IQSEC3: variants seen among roughly 807,000 people sequenced by gnomAD.
The protein encoded by IQSEC3 is IQ motif and SEC7 domain-containing protein 3.
Under a neutral mutation model 105.4 loss-of-function variants are expected in IQSEC3, and 50 were observed. That is an observed-to-expected ratio of 0.47 (90% CI 0.38 to 0.60). The LOEUF (loss-of-function observed/expected upper bound fraction) is 0.60, where lower values mean the gene tolerates loss of function less well. IQSEC3 is among the 20% of genes least tolerant of loss of function. IQSEC3 has a pLI of 0.00. For synonymous variants in IQSEC3, 708 were observed against 746.0 expected, an observed-to-expected ratio of 0.95 and a Z score of 0.83; for missense variants, 1,415 against 1,630.0, an observed-to-expected ratio of 0.87 and a Z score of 2.27.
chr12:140,784 G>A (rs1391564540), intron 4 of IQSEC3: 2 of 252,554 alleles, frequency 7.9e-6, no homozygotes, highest in South Asian at 1.5e-4. Flanking sequence ...CTCCAGGGTT[G>A]GGGCGTCTGC....
intron 5 of IQSEC3, chr12:144,520 C>A (rs537142020): frequency 6.6e-6 from 1 of 152,270 alleles, no homozygotes; most frequent in Non-Finnish European, 1.5e-5. Flanking sequence ...GAGGAAGAGC[C>A]GATGAGAAAG....
At chr12:163,999 C>G (rs769143611) in intron 9 of IQSEC3, among the ~76,000 whole-genome samples, 2 of 152,228 alleles carry the variant, frequency 1.3e-5, no homozygotes, top group African/African-American at 2.4e-5. Context: ...GGAGCATGCT[C>G]TGTCCCTGGG....
Position 165,736 on chromosome 12 carries a change from T to C in IQSEC3, c.2817T>C (p.Ser939=), listed in dbSNP as rs1867140936. 6.2e-7 allele frequency: 1 copy of C among 1,613,600 alleles called. No homozygotes were observed. Among genetic ancestry groups the C allele is most frequent in the African/African-American group, 1.3e-5 (1 of 74,934 alleles). Reference sequence around the variant, plus strand: ...CTGGGGTCTGCTTTCCAGATTACTCTCATGGCATCACACTGGTGACCCCGC... The same window carrying C: ...CTGGGGTCTGCTTTCCAGATTACTCCCATGGCATCACACTGGTGACCCCGC... ...QFQLFENEYY[S]HGITLVTPLS... The change falls in exon 11 of 14, where the codon TCT becomes TCC. Residue 939 remains serine (S), a synonymous_variant. Transcript: ENST00000538872.
Position 138,659 on chromosome 12 carries a change from C to T in IQSEC3, c.1296C>T (p.Gly432=). The T allele has an allele frequency of 6.4e-7, 1 of 1,566,794 alleles. No homozygotes were observed. Among genetic ancestry groups the T allele is most frequent in the Non-Finnish European group, 8.6e-7 (1 of 1,164,276 alleles). The change falls in exon 4 of 14, where the codon GGC becomes GGT. Residue 432 remains glycine (G), a synonymous_variant. Coordinates refer to ENST00000538872, the MANE Select transcript of IQSEC3 (RefSeq NM_001170738.2). The surrounding 1 kb of genome is among the most constrained non-coding windows in gnomAD (Gnocchi z 7.1). ...LKTMCSLRES[G]AYQLHQALQA... ...CCATGTGCTCCCTGCGGGAGAGTGG[C>T]GCTTACCAGCTCCACCAGGCCCTGC... is the stretch of plus-strand genomic sequence containing the variant.
chr12:166,022 C>T lies in IQSEC3; in HGVS notation c.2971+132C>T, dbSNP rs189057249. 2.8e-4 allele frequency: 263 copies of T among 943,604 alleles called. 3 individuals are homozygous for T. Among genetic ancestry groups the T allele is most frequent in the East Asian group, 2.6e-3 (97 of 37,858 alleles). The allele number at this position is 943,604 out of a possible 1,614,324, so 58.5% of individuals were successfully genotyped here. A position where few individuals can be genotyped will look rare whatever the true frequency, so the allele number is the denominator to read the frequency against. ...GACCCTCCCCGTGTCCAGGCCCCACCGCACCACACTCCCACAGCCCGGGTG... is the reference window on the plus strand; with the variant it reads ...GACCCTCCCCGTGTCCAGGCCCCACTGCACCACACTCCCACAGCCCGGGTG... On this transcript the variant is annotated intron_variant, in intron 11 of 13. Transcript: ENST00000538872.
At chr12:114,969 G>A (rs1384535180) in intron 2 of IQSEC3, among the ~76,000 whole-genome samples, 4 of 152,230 alleles carry the variant, frequency 2.6e-5, no homozygotes, top group South Asian at 2.1e-4. Flanking sequence ...CAAGGCATGC[G>A]GGAAACAGTG....
chr12:160,382 G>A (rs782467034), intron 7 of IQSEC3, among the ~76,000 whole-genome samples: 8 of 152,130 alleles, frequency 5.3e-5, no homozygotes, highest in Non-Finnish European at 1.2e-4. Flanking sequence ...CCCTACTGCA[G>A]TATCTGGAGA....
chr12:144,463 A>T (rs1866176897), intron 5 of IQSEC3: 1 of 152,178 alleles, frequency 6.6e-6, no homozygotes, highest in African/African-American at 2.4e-5. Context: ...ATCCCCTTGG[A>T]GACTAAAACA....
chr12:97,155 C>T (rs1411464437), intron 1 of IQSEC3, among the ~76,000 whole-genome samples: 5 of 152,208 alleles, frequency 3.3e-5, no homozygotes, highest in Admixed American at 2.0e-4. Context: ...CTTTAGGGTT[C>T]TCGTTCTGTC....
At chr12:88,492 C>CA (rs1555072625) in intron 1 of IQSEC3, among the ~76,000 whole-genome samples, 2 of 152,142 alleles carry the variant, frequency 1.3e-5, no homozygotes, top group East Asian at 1.9e-4. Context: ...AAAGCTCCCC[C>CA]AAAGAAAAGT....
chr12:138,989 C>G lies in IQSEC3; in HGVS notation c.1626C>G (p.Ala542=). 6.5e-7 allele frequency: 1 copy of G among 1,534,722 alleles called. No homozygotes were observed. The highest frequency in any genetic ancestry group is 8.8e-7 in the Non-Finnish European group (1 of 1,140,572). ...TSGREAPEAP[A]VGREDASAED... is the part of the protein sequence containing the mutation. ...GGCGGGAGGCCCCGGAAGCCCCCGC[C>G]GTGGGCCGGGAGGACGCGTCAGCCG... Residue 542 remains alanine, a synonymous_variant, in exon 4 of 14, where the codon GCC becomes GCG. Transcript: ENST00000538872. The surrounding 1 kb of genome is among the most constrained non-coding windows in gnomAD (Gnocchi z 7.1).
chr12:111,126 C>T (rs1864871924), intron 2 of IQSEC3, among the ~76,000 whole-genome samples: 1 of 152,122 alleles, frequency 6.6e-6, no homozygotes. Context: ...GGGCTTTTTA[C>T]TATGCTCTTT....
At chr12:139,379 C>G (rs558894907) in intron 4 of IQSEC3, 25 bp downstream of exon 4, 3 of 1,510,804 alleles carry the variant, frequency 2.0e-6, no homozygotes, top group African/African-American at 1.4e-5. Context: ...GCCCCCAGCC[C>G]GGAGTCCTGG....
chr12:81,696 T>C (rs1413712696), intron 1 of IQSEC3, among the ~76,000 whole-genome samples: 3 of 152,118 alleles, frequency 2.0e-5, no homozygotes, highest in African/African-American at 7.2e-5. Flanking sequence ...GCATTTGGAA[T>C]GGGCTGGAGG....
intron 1 of IQSEC3, among the ~76,000 whole-genome samples, chr12:78,505 C>CAAA (rs372881150): frequency 4.4e-4 from 61 of 138,420 alleles, no homozygotes; most frequent in African/African-American, 1.5e-3. Flanking sequence ...GACACCTCAG[C>CAAA]AAAAAAAAAA....
intron 2 of IQSEC3, 29 bp from the exon 3 acceptor site, chr12:125,604 A>C: frequency 1.4e-6 from 2 of 1,469,012 alleles, no homozygotes; most frequent in Non-Finnish European, 1.8e-6. Flanking sequence ...CCTCTCCCCC[A>C]ACCGAGCACC....
At chr12:106,183 AGAGACAAC>A (rs1309176105) in intron 2 of IQSEC3, among the ~76,000 whole-genome samples, 4 of 152,260 alleles carry the variant, frequency 2.6e-5, no homozygotes, top group Non-Finnish European at 4.4e-5. Context: ...ACTGAGGATC[AGAGACAAC>A]GAATGCCTTG....
intron 7 of IQSEC3, among the ~76,000 whole-genome samples, chr12:157,921 G>A (rs998905763): frequency 2.0e-5 from 3 of 152,264 alleles, no homozygotes; most frequent in African/African-American, 4.8e-5. Context: ...GCGCCCTTGG[G>A]CAGTGCCTCT....
At chr12:161,331 G>A (rs1226434291) in intron 7 of IQSEC3, among the ~76,000 whole-genome samples, 2 of 151,996 alleles carry the variant, frequency 1.3e-5, no homozygotes, top group Admixed American at 6.5e-5. Context: ...TTTGTTGCCC[G>A]AGTTTTATCA....
Sources: allele counts gnomAD v4.1 joint callset (sites outside exome capture counted in the v4.1 genomes callset), GRCh38; gene constraint gnomAD v4.1.1; non-coding constraint Gnocchi (gnomAD v3.1); transcripts MANE v1.5; gene names NCBI Gene and HGNC (gene_info 2026-07-23, HGNC 2026-07-21).